Variants in CA10 observed in about 807,000 individuals in gnomAD.
CA10 encodes the protein carbonic anhydrase 10 (inactive).
In CA10, 14 loss-of-function variants were observed where a neutral mutation model predicts 44.2. The observed-to-expected ratio is 0.32, with a 90% CI of 0.21 to 0.50. The LOEUF (loss-of-function observed/expected upper bound fraction) is 0.50, where lower values mean the gene tolerates loss of function less well. Ranked by LOEUF, CA10 falls within the 20% of genes least tolerant of loss-of-function variation. The probability of loss-of-function intolerance (pLI) is 0.99; values close to 1 mark genes in which losing one functional copy is unlikely to be tolerated. For synonymous variants in CA10, 159 were observed against 141.6 expected (o/e 1.12, Z -0.87); for missense variants, 350 against 409.7 (o/e 0.85, Z 1.26).
chr17:52,073,812 G>A lies in CA10; in HGVS notation c.62-1419C>T, dbSNP rs138094685. 1.2e-3 allele frequency among the ~76,000 whole-genome samples: 183 copies of A among 152,272 alleles called. 4 individuals carry two copies. In the South Asian group the frequency reaches 0.022, roughly 18 times the overall value. ...AGGCAAAGGAGGAAGTCACCTCAAAGCAGAAGCCAGAAAGGTTCTGTCCAA... is the reference window on the plus strand; with the variant it reads ...AGGCAAAGGAGGAAGTCACCTCAAAACAGAAGCCAGAAAGGTTCTGTCCAA... On this transcript the variant is annotated intron_variant, in intron 1 of 8. Transcript: ENST00000451037.
At chr17:51,826,907 C>G (rs1316551730) in intron 3 of CA10, among the ~76,000 whole-genome samples, 1 of 152,208 alleles carries the variant, frequency 6.6e-6, no homozygotes, top group African/African-American at 2.4e-5. Context: ...GTGCTGGACA[C>G]TGCATTCTCC....
chr17:51,891,509 G>A (rs1213467894), intron 3 of CA10, among the ~76,000 whole-genome samples: 1 of 152,162 alleles, frequency 6.6e-6, no homozygotes, highest in Non-Finnish European at 1.5e-5. Flanking sequence ...AGAAAAGTCT[G>A]GAAAGAAGGT....
At chr17:52,012,066 G>A (rs1172676358) in intron 2 of CA10, among the ~76,000 whole-genome samples, 1 of 151,968 alleles carries the variant, frequency 6.6e-6, no homozygotes, top group African/African-American at 2.4e-5. Flanking sequence ...CATGAACTGA[G>A]CTGGTTATGG....
intron 3 of CA10, among the ~76,000 whole-genome samples, chr17:51,831,687 G>GCAGCAGCAGCAT (rs1349431395): frequency 2.2e-4 from 17 of 78,626 alleles, no homozygotes; most frequent in African/African-American, 6.7e-4. Flanking sequence ...AGCAGCAGCA[G>GCAGCAGCAGCAT]CAGCAGCAGC....
chr17:51,902,775 G>C (rs1010094223), intron 3 of CA10, among the ~76,000 whole-genome samples: 1 of 152,152 alleles, frequency 6.6e-6, no homozygotes, highest in Non-Finnish European at 1.5e-5. Flanking sequence ...CTTTTACTCT[G>C]CCATTCATGC....
At chr17:51,868,409 G>C (rs79807736) in intron 3 of CA10, among the ~76,000 whole-genome samples, 1 of 152,082 alleles carries the variant, frequency 6.6e-6, no homozygotes, top group Admixed American at 6.6e-5. Flanking sequence ...TGCTTTAAGC[G>C]TGCCGTCTCC....
chr17:52,139,476 G>A (rs1989431425), intron 1 of CA10, among the ~76,000 whole-genome samples: 2 of 143,522 alleles, frequency 1.4e-5, no homozygotes, highest in African/African-American at 5.3e-5. Context: ...TCGAAATAAT[G>A]CATTTCCATC....
intron 4 of CA10, among the ~76,000 whole-genome samples, chr17:51,733,447 T>C (rs1916789710): frequency 6.6e-6 from 1 of 152,060 alleles, no homozygotes; most frequent in South Asian, 2.1e-4. Context: ...CGAGACAGGA[T>C]TTGAAAGGGG....
chr17:51,758,118 C>T (rs1905126015), intron 3 of CA10, among the ~76,000 whole-genome samples: 1 of 152,072 alleles, frequency 6.6e-6, no homozygotes, highest in Non-Finnish European at 1.5e-5. Flanking sequence ...TAAGTTTACG[C>T]TGATCTTTCT....
At chr17:52,022,509 T>C (rs1467888770) in intron 2 of CA10, among the ~76,000 whole-genome samples, 1 of 151,942 alleles carries the variant, frequency 6.6e-6, no homozygotes, top group Non-Finnish European at 1.5e-5. Flanking sequence ...AATGAGTGGG[T>C]GAAAGCTAGA....
intron 3 of CA10, among the ~76,000 whole-genome samples, chr17:51,787,949 T>C (rs902962571): frequency 2.0e-5 from 3 of 152,330 alleles, no homozygotes; most frequent in Middle Eastern, 3.4e-3. Context: ...TCATTTCAAT[T>C]TCATTTATTT....
chr17:52,052,688 C>T (rs765195349), intron 2 of CA10, among the ~76,000 whole-genome samples: 5 of 151,984 alleles, frequency 3.3e-5, no homozygotes, highest in Non-Finnish European at 5.9e-5. Context: ...AGTATAATAG[C>T]TTTTCTTCCT....
In CA10 at chr17:51,995,402, A is replaced by G. The variant is rs189321120; in HGVS notation, c.137-64270T>C. 5.3e-5 allele frequency among the ~76,000 whole-genome samples: 8 copies of G among 152,236 alleles called. No homozygotes were observed. The East Asian group carries it at 1.5e-3, about 29-fold the overall frequency. On this transcript the variant is annotated intron_variant, in intron 2 of 8. Coordinates refer to ENST00000451037, the MANE Select transcript of CA10 (RefSeq NM_020178.5). ...GCTTGAAACACAAATGCTGAATTTT[A>G]TTTATATGGGGTAGCATTTTTTAAA...
intron 6 of CA10, 123 bp from the exon 7 acceptor site, chr17:51,636,132 ATATG>A: frequency 2.0e-6 from 1 of 510,274 alleles, no homozygotes; most frequent in Non-Finnish European, 3.2e-6. Context: ...ACACAGATAT[ATATG>A]TATTTCTTTT....
intron 3 of CA10, among the ~76,000 whole-genome samples, chr17:51,786,855 A>T (rs1385416344): frequency 6.6e-6 from 1 of 151,852 alleles, no homozygotes; most frequent in Non-Finnish European, 1.5e-5. Context: ...TTCTTTCTAT[A>T]CCTAGTTTTT....
chr17:51,742,764 C>T (rs1173133516), intron 4 of CA10, among the ~76,000 whole-genome samples: 1 of 152,204 alleles, frequency 6.6e-6, no homozygotes, highest in African/African-American at 2.4e-5. Flanking sequence ...ACTTTTCCCT[C>T]TCTCAGATGT....
chr17:51,887,976 G>A (rs1056229778), intron 3 of CA10, among the ~76,000 whole-genome samples: 4 of 152,044 alleles, frequency 2.6e-5, no homozygotes, highest in African/African-American at 9.7e-5. Context: ...AGTAAGCCGA[G>A]ATTGCGCCAC....
At chr17:51,738,567 C>A (rs576183976) in intron 4 of CA10, among the ~76,000 whole-genome samples, 2 of 152,270 alleles carry the variant, frequency 1.3e-5, no homozygotes, top group South Asian at 4.1e-4. Context: ...CTCAATCAGG[C>A]ACTATTATGG....
chr17:51,905,425 C>G (rs910871810), intron 3 of CA10, among the ~76,000 whole-genome samples: 4 of 151,546 alleles, frequency 2.6e-5, no homozygotes, highest in African/African-American at 9.7e-5. Flanking sequence ...CCTGTTGGCA[C>G]AAGGCATAGA....
Sources: gnomAD v4.1 joint callset for allele counts (sites outside exome capture counted in the v4.1 genomes callset) on GRCh38, gnomAD v4.1.1 for gene constraint, MANE v1.5 for transcripts, NCBI Gene and HGNC (gene_info 2026-07-23, HGNC 2026-07-21) for gene names.